Variants in TGFBR3 observed in about 807,000 individuals in gnomAD.
TGFBR3 encodes transforming growth factor beta receptor 3.
A neutral mutation model predicts 87.9 loss-of-function variants in TGFBR3; 46 were observed. That is an observed-to-expected ratio of 0.52 (90% confidence interval 0.41 to 0.67). The LOEUF (loss-of-function observed/expected upper bound fraction) is 0.67, where lower values mean the gene tolerates loss of function less well. Among genes scored for constraint, TGFBR3 ranks in the 30% least tolerant of loss-of-function variants. The pLI is 0.00. For synonymous variants in TGFBR3, 381 were observed against 391.6 expected (o/e 0.97, Z 0.32); for missense variants, 866 against 1,041.9 (o/e 0.83, Z 2.32).
intron 12 of TGFBR3, among the ~76,000 whole-genome samples, chr1:91,715,786 A>C (rs1672142726): frequency 6.6e-6 from 1 of 152,164 alleles, no homozygotes; most frequent in Admixed American, 6.5e-5. Flanking sequence ...ATAACAAGTC[A>C]GTTTCAGTGG....
intron 16 of TGFBR3, among the ~76,000 whole-genome samples, chr1:91,690,039 T>C (rs1366838767): frequency 6.6e-6 from 1 of 151,650 alleles, no homozygotes; most frequent in East Asian, 1.9e-4. Flanking sequence ...GGTGAGGAAA[T>C]GGGTGAGTAG....
intron 2 of TGFBR3, among the ~76,000 whole-genome samples, chr1:91,802,857 G>A (rs1321080808): frequency 6.6e-6 from 1 of 151,866 alleles, no homozygotes; most frequent in East Asian, 1.9e-4. Context: ...CCTGGGGGAG[G>A]TGCCCCAACA....
chr1:91,704,501 A>C (rs1671728356), intron 14 of TGFBR3, among the ~76,000 whole-genome samples: 1 of 152,172 alleles, frequency 6.6e-6, no homozygotes, highest in Non-Finnish European at 1.5e-5. Context: ...ACAGTGCCTG[A>C]ATTTGAATCC....
intron 2 of TGFBR3, among the ~76,000 whole-genome samples, chr1:91,856,044 G>C (rs965461238): frequency 1.3e-5 from 2 of 151,942 alleles, no homozygotes; most frequent in Non-Finnish European, 2.9e-5. Flanking sequence ...ACGAAGGAAC[G>C]AGGGAGGGGA....
intron 2 of TGFBR3, among the ~76,000 whole-genome samples, chr1:91,809,278 A>G (rs2101034691): frequency 1.3e-5 from 2 of 152,362 alleles, no homozygotes; most frequent in South Asian, 4.1e-4. Flanking sequence ...CTAGCAAGAA[A>G]GAAAAAGATG....
At chr1:91,879,768 A>G (rs1678999960) in intron 1 of TGFBR3, among the ~76,000 whole-genome samples, 1 of 152,208 alleles carries the variant, frequency 6.6e-6, no homozygotes, top group Admixed American at 6.5e-5. Context: ...AATAAAGCTC[A>G]ATGTCAGTTA....
chr1:91,719,480 C>G lies in TGFBR3; in HGVS notation c.1414-16G>C. ...AGCCACTGGCCTAAAACAACAACCA[C>G]CAAAGACATGGTTGGAGGCCCACAG... is the stretch of plus-strand genomic sequence containing the variant. On this transcript the variant is annotated splice_polypyrimidine_tract_variant and intron_variant, in intron 9 of 16. Transcript: ENST00000212355. 6.2e-7 allele frequency: 1 copy of G among 1,613,914 alleles called. No individual in the cohort carries two copies. The highest frequency in any genetic ancestry group is 8.5e-7 in the Non-Finnish European group (1 of 1,179,968).
rs1231412191 is a variant in TGFBR3, at chr1:91,716,584, C to A, written c.1691G>T (p.Arg564Leu). 6.2e-7 allele frequency: 1 copy of A among 1,613,942 alleles called. No homozygotes were observed. Residue 564 changes from arginine to leucine, a missense_variant, in exon 11 of 17, where the codon CGA becomes CTA. Physicochemically the swap from Arg to Leu is moderately radical, Grantham distance 102. Coordinates refer to ENST00000212355, the MANE Select transcript of TGFBR3 (RefSeq NM_003243.5). ...MDEGDASLFT[R>L]PEIVVFNCSL... is the part of the protein sequence containing the mutation. Reference sequence around the variant, plus strand: ...AACACATACCACCACGATTTCAGGTCGGGTGAACAGGGAAGCATCTCCTTC... The same window carrying A: ...AACACATACCACCACGATTTCAGGTAGGGTGAACAGGGAAGCATCTCCTTC...
intron 5 of TGFBR3, among the ~76,000 whole-genome samples, chr1:91,731,231 C>G (rs932030933): frequency 2.0e-4 from 30 of 152,180 alleles, no homozygotes; most frequent in African/African-American, 6.8e-4. Context: ...GGAATCCAAC[C>G]AGGGGGTCCC....
chr1:91,737,704 C>A (rs1673011702), intron 4 of TGFBR3, among the ~76,000 whole-genome samples: 1 of 152,206 alleles, frequency 6.6e-6, no homozygotes, highest in Non-Finnish European at 1.5e-5. Flanking sequence ...CATCTGACCT[C>A]AATCACATGT....
chr1:91,708,816 G>A (rs1302729813), intron 13 of TGFBR3, 33 bp from the exon 14 acceptor site: 1 of 1,611,848 alleles, frequency 6.2e-7, no homozygotes, highest in Non-Finnish European at 8.5e-7. Context: ...ACAGAATCAG[G>A]GGCCACTCAA....
Position 91,683,713 on chromosome 1 carries a change from G to C in TGFBR3, c.*26C>G. On this transcript the variant is annotated 3_prime_UTR_variant, in exon 17 of 17. Coordinates refer to ENST00000212355, the MANE Select transcript of TGFBR3 (RefSeq NM_003243.5). ...GCTGAGCTGAGCTGGGCTGGGCTGG[G>C]TTGGGCCGGGTTGGGCTGGGTTGGG... 6.6e-7 allele frequency: 1 copy of C among 1,512,786 alleles called. No homozygotes were observed. Among genetic ancestry groups the C allele is most frequent in the Non-Finnish European group, 8.9e-7 (1 of 1,129,782 alleles). The allele number at this position is 1,512,786 out of a possible 1,614,324, so 93.7% of individuals were successfully genotyped here. A position where few individuals can be genotyped will look rare whatever the true frequency, so the allele number is the denominator to read the frequency against.
intron 2 of TGFBR3, among the ~76,000 whole-genome samples, chr1:91,832,840 T>TA (rs1473270855): frequency 6.6e-6 from 1 of 151,014 alleles, no homozygotes; most frequent in African/African-American, 2.4e-5. Context: ...CTGTCTCTAT[T>TA]AAAAATACAA....
intron 3 of TGFBR3, among the ~76,000 whole-genome samples, chr1:91,786,437 T>C (rs1674962734): frequency 6.6e-6 from 1 of 152,072 alleles, no homozygotes; most frequent in South Asian, 2.1e-4. Context: ...ATGTGGTGAT[T>C]GGCCAAATAT....
rs767762057 is a variant in TGFBR3 at position 91,680,837 on chromosome 1, A to C, written c.*2902T>G. ...AACACAAGCAGGAAATGGATTTACA[A>C]TCTTATTACAAGGCAAAGAAAAAAA... On this transcript the variant is annotated 3_prime_UTR_variant, in exon 17 of 17. Transcript: ENST00000212355. 12 of 450,740 alleles carry C rather than the reference A, an allele frequency of 2.7e-5. No homozygotes were observed. The highest frequency in any genetic ancestry group is 4.9e-5 in the Non-Finnish European group (11 of 224,868). 27.9% of individuals were successfully genotyped at this position (450,740 alleles called of 1,614,324 possible). A position where few individuals can be genotyped will look rare whatever the true frequency, so the allele number is the denominator to read the frequency against.
chr1:91,866,874 A>T (rs1164074693), intron 1 of TGFBR3: 1 of 152,282 alleles, frequency 6.6e-6, no homozygotes. Context: ...AATAAGTTCA[A>T]GGAGGGGTTT....
chr1:91,825,165 A>C, intron 2 of TGFBR3, among the ~76,000 whole-genome samples: 1 of 152,278 alleles, frequency 6.6e-6, no homozygotes, highest in East Asian at 1.9e-4. Context: ...ACATAAGCCC[A>C]CACAAAAACT....
intron 2 of TGFBR3, among the ~76,000 whole-genome samples, chr1:91,818,441 C>T (rs1676326781): frequency 6.6e-6 from 1 of 151,950 alleles, no homozygotes; most frequent in South Asian, 2.1e-4. Flanking sequence ...AACCAGCCTT[C>T]AGGATTCCCC....
At chr1:91,833,857 T>C (rs1227343413) in intron 2 of TGFBR3, among the ~76,000 whole-genome samples, 1 of 151,352 alleles carries the variant, frequency 6.6e-6, no homozygotes, top group African/African-American at 2.4e-5. Context: ...TAAATATATG[T>C]CCTAATTCTA....
Sources: gnomAD v4.1 joint callset for allele counts (sites outside exome capture counted in the v4.1 genomes callset) on GRCh38, gnomAD v4.1.1 for gene constraint, MANE v1.5 for transcripts, NCBI Gene and HGNC (gene_info 2026-07-23, HGNC 2026-07-21) for gene names.